Variants in GRIA1 observed in about 807,000 individuals in gnomAD.
GRIA1 encodes glutamate ionotropic receptor AMPA type subunit 1.
In GRIA1, 31 loss-of-function variants were observed where a neutral mutation model predicts 99.2. The observed-to-expected ratio is 0.31, with a 90% confidence interval of 0.23 to 0.42. The LOEUF (loss-of-function observed/expected upper bound fraction) is 0.42. GRIA1 is among the 10% of genes least tolerant of loss of function. The pLI is 1.00. For missense variants in GRIA1, 782 were observed against 1,157.5 expected, an observed-to-expected ratio of 0.68 and a Z score of 4.71; for synonymous variants, 438 against 432.4, an observed-to-expected ratio of 1.01 and a Z score of -0.16.
chr5:153,732,323 C>T (rs1295756347), intron 11 of GRIA1, among the ~76,000 whole-genome samples: 3 of 151,992 alleles, frequency 2.0e-5, no homozygotes, highest in African/African-American at 7.2e-5. Context: ...AATGGCTATA[C>T]CAATTTACAT....
rs145245575 is a variant in GRIA1 at position 153,764,449 on chromosome 5, C to T, written c.1839C>T (p.Arg613=). The stretch of plus-strand genomic sequence containing the variant: ...TGGCCTGCAGGTCCCTGTCTGGTCG[C>T]ATCGTTGGTGGCGTCTGGTGGTTCT... ...CDISPRSLSG[R]IVGGVWWFFT... is the part of the protein sequence containing the mutation. Residue 613 remains arginine (R), a synonymous_variant, in exon 12 of 16, where the codon CGC becomes CGT. Transcript: ENST00000285900. The T allele has an allele frequency of 8.1e-6, 13 of 1,613,706 alleles. No homozygotes were observed. In the Admixed American group the frequency reaches 1.0e-4, roughly 12 times the overall value.
At chr5:153,754,765 C>T (rs563184991) in intron 11 of GRIA1, among the ~76,000 whole-genome samples, 3 of 152,306 alleles carry the variant, frequency 2.0e-5, no homozygotes, top group Admixed American at 6.5e-5. Context: ...ATAAGACAGA[C>T]TATTTATGCA....
intron 2 of GRIA1, among the ~76,000 whole-genome samples, chr5:153,629,303 A>G (rs953831467): frequency 1.3e-5 from 2 of 152,022 alleles, no homozygotes; most frequent in Non-Finnish European, 2.9e-5. Flanking sequence ...TTTTCACAGC[A>G]CCCTCTGCTG....
chr5:153,613,365 A>G (rs1357828724), intron 2 of GRIA1, among the ~76,000 whole-genome samples: 2 of 152,144 alleles, frequency 1.3e-5, no homozygotes, highest in East Asian at 3.9e-4. Flanking sequence ...TTTCCAGTCC[A>G]TTAGTCTTAT....
At chr5:153,624,183 G>A (rs1441348452) in intron 2 of GRIA1, among the ~76,000 whole-genome samples, 1 of 152,132 alleles carries the variant, frequency 6.6e-6, no homozygotes, top group Non-Finnish European at 1.5e-5. Flanking sequence ...CAGTTATTGG[G>A]TATATAAAAA....
chr5:153,775,776 A>C (rs1198854631), intron 13 of GRIA1, among the ~76,000 whole-genome samples: 2 of 149,938 alleles, frequency 1.3e-5, no homozygotes, highest in African/African-American at 4.9e-5. Context: ...AAAGGAGGAG[A>C]GTCAACGTTT....
chr5:153,579,829 A>T (rs17591414), intron 2 of GRIA1, among the ~76,000 whole-genome samples: 7,653 of 152,190 alleles, frequency 0.05, 268 homozygotes, highest in Non-Finnish European at 0.076. Context: ...GTCCTGTGCC[A>T]GCACTCTGTA....
chr5:153,725,646 C>T (rs1231105439), intron 11 of GRIA1, among the ~76,000 whole-genome samples: 1,648 of 101,704 alleles, frequency 0.016, 490 homozygotes, highest in South Asian at 0.033. Context: ...AGAGACAAGG[C>T]CATTACATAA....
rs551675599 is a variant in GRIA1, at chr5:153,717,544, C to T, written c.1823+11477C>T. 2.0e-4 allele frequency among the ~76,000 whole-genome samples: 31 copies of T among 151,980 alleles called. No homozygotes were observed. The South Asian group carries it at 6.2e-3, about 31-fold the overall frequency. ...TCCTAGGTATTCATTGGCAAGGGCT[C>T]AGAGTTCACCAAGTTTAATGATAAA... On this transcript the variant is annotated intron_variant, in intron 11 of 15. Coordinates refer to ENST00000285900, the MANE Select transcript of GRIA1 (RefSeq NM_000827.4).
intron 2 of GRIA1, among the ~76,000 whole-genome samples, chr5:153,531,757 G>T (rs1436353338): frequency 6.6e-6 from 1 of 152,154 alleles, no homozygotes; most frequent in East Asian, 1.9e-4. Context: ...GATAAAAATA[G>T]TAATATTCCT....
At chr5:153,626,415 T>C (rs1210899901) in intron 2 of GRIA1, among the ~76,000 whole-genome samples, 1 of 150,410 alleles carries the variant, frequency 6.6e-6, no homozygotes, top group African/African-American at 2.5e-5. Context: ...ATGTGGAGAA[T>C]GACAAATCTA....
intron 2 of GRIA1, among the ~76,000 whole-genome samples, chr5:153,634,005 A>G (rs550001391): frequency 2.0e-5 from 3 of 152,144 alleles, no homozygotes; most frequent in Non-Finnish European, 1.5e-5. Context: ...GGAAAGAAAC[A>G]AGGTACCGCA....
chr5:153,634,179 G>A (rs956719031), intron 2 of GRIA1, among the ~76,000 whole-genome samples: 32 of 151,912 alleles, frequency 2.1e-4, no homozygotes, highest in Middle Eastern at 3.2e-3. Flanking sequence ...TTAGCCAGTC[G>A]TGATGGCAGG....
intron 5 of GRIA1, among the ~76,000 whole-genome samples, chr5:153,656,284 G>A (rs951320006): frequency 6.6e-6 from 1 of 151,218 alleles, no homozygotes; most frequent in African/African-American, 2.4e-5. Flanking sequence ...AATTACACTA[G>A]TATTGACAAA....
intron 11 of GRIA1, among the ~76,000 whole-genome samples, chr5:153,732,969 G>C (rs1761150267): frequency 2.2e-5 from 3 of 139,260 alleles, no homozygotes; most frequent in African/African-American, 8.0e-5. Context: ...GTTTTTCCAA[G>C]ACCATTTATT....
chr5:153,790,421 C>T (rs1765226335), intron 13 of GRIA1, among the ~76,000 whole-genome samples: 2 of 152,078 alleles, frequency 1.3e-5, no homozygotes, highest in Admixed American at 6.5e-5. Context: ...TCCACATTGA[C>T]CTTAGTGAGT....
intron 2 of GRIA1, among the ~76,000 whole-genome samples, chr5:153,578,941 G>T (rs932025588): frequency 6.6e-6 from 1 of 151,924 alleles, no homozygotes; most frequent in Non-Finnish European, 1.5e-5. Context: ...AAAGAATTTC[G>T]CCCAGTCACT....
At chr5:153,491,912 A>G (rs1002877879) in intron 1 of GRIA1, among the ~76,000 whole-genome samples, 4 of 152,124 alleles carry the variant, frequency 2.6e-5, no homozygotes, top group Admixed American at 1.3e-4. Flanking sequence ...GCTACTCCTG[A>G]TAATCATGAG....
At chr5:153,735,272 C>T (rs934298304) in intron 11 of GRIA1, among the ~76,000 whole-genome samples, 2 of 152,156 alleles carry the variant, frequency 1.3e-5, no homozygotes, top group African/African-American at 2.4e-5. Flanking sequence ...GGGGTTTATT[C>T]GGCCGTGAGC....
Sources: allele counts gnomAD v4.1 joint callset (sites outside exome capture counted in the v4.1 genomes callset), GRCh38; gene constraint gnomAD v4.1.1; transcripts MANE v1.5; gene names NCBI Gene and HGNC (gene_info 2026-07-23, HGNC 2026-07-21).